Variants in DSE observed in about 807,000 individuals in gnomAD.
The protein encoded by DSE is dermatan-sulfate epimerase.
Under a neutral mutation model 84.4 loss-of-function variants are expected in DSE, and 36 were observed. That is an observed-to-expected ratio of 0.43 (90% CI 0.33 to 0.56). The LOEUF (loss-of-function observed/expected upper bound fraction) is 0.56. DSE is among the 20% of genes least tolerant of loss of function. The pLI, the probability that DSE is intolerant of heterozygous loss-of-function variation, is 0.06. For synonymous variants in DSE, 410 were observed against 430.1 expected (o/e 0.95, Z 0.58); for missense variants, 862 against 1,169.6 (o/e 0.74, Z 3.84).
intron 2 of DSE, among the ~76,000 whole-genome samples, chr6:116,263,636 C>T (rs1582907085): frequency 6.6e-6 from 1 of 152,116 alleles, no homozygotes; most frequent in Non-Finnish European, 1.5e-5. Context: ...TGGATTTGAT[C>T]CTGTCATCAT....
intron 1 of DSE, 116 bp downstream of exon 1, chr6:116,371,237 G>C (rs1376432004): frequency 1.0e-6 from 1 of 979,726 alleles, no homozygotes; most frequent in African/African-American, 1.8e-5. Flanking sequence ...GGAGAGCCAC[G>C]TCCCCGGCTG....
At chr6:116,265,443 A>C (rs1318223829) in intron 2 of DSE, among the ~76,000 whole-genome samples, 1 of 151,890 alleles carries the variant, frequency 6.6e-6, no homozygotes, top group East Asian at 1.9e-4. Flanking sequence ...AGTAGACAGC[A>C]CTCCCACATG....
rs377660083 is a variant in DSE at position 116,410,714 on chromosome 6, A to G, written c.416+11048A>G. Among the ~76,000 whole-genome samples, 66 of 130,942 alleles carry G rather than the reference A, an allele frequency of 5.0e-4. 1 individual carries two copies. In the East Asian group the frequency reaches 0.013, roughly 26 times the overall value. The allele number at this position is 130,942 out of a possible 152,430, so 85.9% of individuals were successfully genotyped here. A position where few individuals can be genotyped will look rare whatever the true frequency, so the allele number is the denominator to read the frequency against. ...GCTCCACTGCACTCCAGCCTGGGCG[A>G]CAGAGCGAGACTCTGTCTCAAAAAA... On this transcript the variant is annotated intron_variant, in intron 2 of 5. Transcript: ENST00000644252.
At chr6:116,294,462 A>G (rs1774529224) in intron 2 of DSE, among the ~76,000 whole-genome samples, 1 of 152,236 alleles carries the variant, frequency 6.6e-6, no homozygotes, top group Non-Finnish European at 1.5e-5. Context: ...TCCTATATTC[A>G]TACATTAGTT....
chr6:116,344,268 C>G (rs1777804453), intron 2 of DSE, among the ~76,000 whole-genome samples: 1 of 152,190 alleles, frequency 6.6e-6, no homozygotes, highest in Admixed American at 6.5e-5. Context: ...CATTCAAATT[C>G]AGGCAATACG....
intron 2 of DSE, among the ~76,000 whole-genome samples, chr6:116,336,638 C>G (rs1211435459): frequency 6.6e-6 from 1 of 151,872 alleles, no homozygotes; most frequent in Non-Finnish European, 1.5e-5. Flanking sequence ...GCTTGTAGTC[C>G]CAGCTACTCG....
rs921763276 is a variant in DSE, at chr6:116,339,695, C to T, written c.-53-59503C>T. Among the ~76,000 whole-genome samples, 72 of 152,220 alleles carry T rather than the reference C, an allele frequency of 4.7e-4. 1 individual carries two copies. The highest frequency in any genetic ancestry group is 1.5e-3 in the African/African-American group (61 of 41,538). On this transcript the variant is annotated intron_variant, in intron 2 of 3. Transcript: ENST00000430252. ...GAGGGAGACAATGGTCAGTGGAATT[C>T]GTATGACTTGGCAATTGAGTTTATA...
chr6:116,349,486 T>C (rs1263513566), intron 2 of DSE, among the ~76,000 whole-genome samples: 1 of 152,216 alleles, frequency 6.6e-6, no homozygotes, highest in Non-Finnish European at 1.5e-5. Context: ...ATTGAGTGAC[T>C]AGCTCGGGCC....
At chr6:116,384,024 A>G (rs1780422629) in intron 1 of DSE, among the ~76,000 whole-genome samples, 2 of 152,252 alleles carry the variant, frequency 1.3e-5, no homozygotes, top group Admixed American at 1.3e-4. Context: ...AAAAGTTAAT[A>G]GTACAGAAAG....
chr6:116,391,185 G>A (rs512840), intron 1 of DSE, among the ~76,000 whole-genome samples: 80,894 of 152,096 alleles, frequency 0.53, 22,352 homozygotes, highest in African/African-American at 0.65. Flanking sequence ...AAAGTGTGCT[G>A]TCTTCATGAA....
intron 2 of DSE, among the ~76,000 whole-genome samples, chr6:116,289,183 A>G (rs541359262): frequency 2.5e-4 from 38 of 152,192 alleles, no homozygotes; most frequent in African/African-American, 8.9e-4. Flanking sequence ...AACCAATAAA[A>G]TGTGTACTTG....
intron 2 of DSE, among the ~76,000 whole-genome samples, chr6:116,318,968 T>C (rs1043650685): frequency 6.6e-6 from 1 of 152,238 alleles, no homozygotes; most frequent in Non-Finnish European, 1.5e-5. Flanking sequence ...AACGCTCTTT[T>C]TCTGTTTAGG....
At chr6:116,394,909 A>G (rs1193554488) in intron 1 of DSE, among the ~76,000 whole-genome samples, 1 of 152,242 alleles carries the variant, frequency 6.6e-6, no homozygotes, top group African/African-American at 2.4e-5. Flanking sequence ...AGTCGCTGGT[A>G]ATTTTGCCAT....
At chr6:116,421,464 T>TATATATATATA (rs57759351) in intron 2 of DSE, among the ~76,000 whole-genome samples, 13 of 39,824 alleles carry the variant, frequency 3.3e-4, no homozygotes, top group South Asian at 1.6e-3. Context: ...TATATATATA[T>TATATATATATA]TTTTTTTTTT....
chr6:116,369,924 A>G (rs1474209658), upstream of DSE: 3 of 1,289,216 alleles, frequency 2.3e-6, no homozygotes, highest in South Asian at 1.2e-5. Context: ...ATTCTAATGA[A>G]TGGGTAAGTA....
intron 2 of DSE, among the ~76,000 whole-genome samples, chr6:116,336,097 T>C (rs901960711): frequency 6.6e-6 from 1 of 152,228 alleles, no homozygotes. Context: ...CCATTTGTAG[T>C]CAGATATCAA....
upstream of DSE, chr6:116,369,844 T>C (rs1393120260): frequency 2.5e-5 from 29 of 1,173,058 alleles, no homozygotes; most frequent in Middle Eastern, 4.5e-4. Flanking sequence ...CCTCTGAGGA[T>C]AGAGGAATTG....
intron 2 of DSE, among the ~76,000 whole-genome samples, chr6:116,362,684 C>A (rs1375751829): frequency 1.3e-5 from 2 of 152,148 alleles, no homozygotes; most frequent in South Asian, 2.1e-4. Context: ...GTCATGGCAT[C>A]CCAGGCTGAC....
At position 116,293,163 on chromosome 6, in the gene DSE, G is replaced by A. The variant is rs974243610; in HGVS notation, c.-54+34196G>A. Among the ~76,000 whole-genome samples the A allele has an allele frequency of 5.3e-5, 8 of 152,166 alleles. No homozygotes were observed. In the East Asian group the frequency reaches 7.7e-4, roughly 15 times the overall value. On this transcript the variant is annotated intron_variant, in intron 2 of 3. Transcript: ENST00000430252. ...ATTCAAAGAAGAAAATAACATAAAC[G>A]AACACATTTGCTTTAATAAGTTATT...
Sources: gnomAD v4.1 joint callset for allele counts (sites outside exome capture counted in the v4.1 genomes callset) on GRCh38, gnomAD v4.1.1 for gene constraint, MANE v1.5 for transcripts, NCBI Gene and HGNC (gene_info 2026-07-23, HGNC 2026-07-21) for gene names.